The following TWIST2 variants were observed in gnomAD, a reference collection of about 807,000 sequenced individuals.
The protein encoded by TWIST2 is twist-related protein 2.
A neutral mutation model predicts 11.6 loss-of-function variants in TWIST2; 1 was observed. That is an observed-to-expected ratio of 0.09 (90% CI 0.03 to 0.41). The LOEUF (loss-of-function observed/expected upper bound fraction) is 0.41. TWIST2 is among the 10% of genes least tolerant of loss of function. The pLI is 0.98. For missense variants in TWIST2, 168 were observed against 226.4 expected, an observed-to-expected ratio of 0.74 and a Z score of 1.66; for synonymous variants, 87 against 96.6, an observed-to-expected ratio of 0.90 and a Z score of 0.58.
chr2:238,897,554 C>T (rs1356602170), intron 1 of TWIST2, among the ~76,000 whole-genome samples: 1 of 152,212 alleles, frequency 6.6e-6, no homozygotes, highest in Non-Finnish European at 1.5e-5. Context: ...TTTTCCTGCT[C>T]AGGGCCAGCC....
chr2:238,901,964 C>T (rs1693273268), intron 1 of TWIST2, among the ~76,000 whole-genome samples: 1 of 152,022 alleles, frequency 6.6e-6, no homozygotes, highest in Non-Finnish European at 1.5e-5. Flanking sequence ...CTGGGGGATG[C>T]CAGGGTCCTG....
Position 238,889,817 on chromosome 2 carries a change from C to T in TWIST2, c.*36-20025C>T, listed in dbSNP as rs570211075. ...CTTAATATTAAGTGAGCACCTGCTA[C>T]GTGTTCTCCCACTTGCAGGGCAGGT... On this transcript the variant is annotated intron_variant, in intron 1 of 1. Coordinates refer to ENST00000612363, the MANE Select transcript of TWIST2 (RefSeq NM_001271893.4). 9.2e-5 allele frequency among the ~76,000 whole-genome samples: 14 copies of T among 152,314 alleles called. No homozygotes were observed. The East Asian group carries it at 2.3e-3, about 25-fold the overall frequency.
At chr2:238,869,659 C>T (rs1007012265) in intron 1 of TWIST2, among the ~76,000 whole-genome samples, 5 of 152,250 alleles carry the variant, frequency 3.3e-5, no homozygotes, top group African/African-American at 1.2e-4. Flanking sequence ...TACCAGCTCA[C>T]ACCTATGAGG....
intron 1 of TWIST2, among the ~76,000 whole-genome samples, chr2:238,869,349 G>A (rs1478871998): frequency 6.6e-6 from 1 of 152,210 alleles, no homozygotes; most frequent in Non-Finnish European, 1.5e-5. Context: ...AACAAAAATA[G>A]ACAAATGGGA....
At chr2:238,870,123 CCCACA>C (rs1447713362) in intron 1 of TWIST2, among the ~76,000 whole-genome samples, 30 of 35,272 alleles carry the variant, frequency 8.5e-4, no homozygotes, top group African/African-American at 3.8e-3. Flanking sequence ...CCATACACCC[CCCACA>C]CACACACCAC....
intron 1 of TWIST2, among the ~76,000 whole-genome samples, chr2:238,888,932 G>A (rs1472829686): frequency 6.6e-6 from 1 of 152,178 alleles, no homozygotes; most frequent in African/African-American, 2.4e-5. Context: ...TGACTGTCCA[G>A]GCTGATTCTA....
In TWIST2 at chr2:238,867,194, A is replaced by G. The variant is rs150530918; in HGVS notation, c.*35+18461A>G. On this transcript the variant is annotated intron_variant, in intron 1 of 1. Coordinates refer to ENST00000612363, the MANE Select transcript of TWIST2 (RefSeq NM_001271893.4). This position sits in a 1 kb window ranked among gnomAD's most constrained non-coding sequence, Gnocchi z 4.8. The stretch of plus-strand genomic sequence containing the variant: ...GGCTGGCTGTAACATTGGAGGGGCC[A>G]CAACCCCCGAATTTCTTCTGCAGAA... Among the ~76,000 whole-genome samples the G allele has an allele frequency of 0.27, 40,462 of 151,690 alleles. 7,160 individuals are homozygous for G. Among genetic ancestry groups the G allele is most frequent in the African/African-American group, 0.51 (20,905 of 41,246 alleles).
Position 238,859,783 on chromosome 2 carries a change from T to TCA in TWIST2, c.*35+11061_*35+11062dup, listed in dbSNP as rs528711344. On this transcript the variant is annotated intron_variant, in intron 1 of 1. Coordinates refer to ENST00000612363, the MANE Select transcript of TWIST2 (RefSeq NM_001271893.4). ...GACATCTAGTTCCTAATGTGTTTAT[T>TCA]CACACACACACATGCATGCACGCAC... Among the ~76,000 whole-genome samples the TCA allele has an allele frequency of 3.7e-4, 56 of 152,212 alleles. No homozygotes were observed. In the South Asian group the frequency reaches 8.7e-3, roughly 24 times the overall value.
chr2:238,849,708 C>T (rs1341618116), intron 1 of TWIST2, among the ~76,000 whole-genome samples: 1 of 152,226 alleles, frequency 6.6e-6, no homozygotes, highest in Non-Finnish European at 1.5e-5. Context: ...GTTCTGGTTT[C>T]CTCTGGAAGA....
intron 1 of TWIST2, among the ~76,000 whole-genome samples, chr2:238,891,880 AT>A (rs1489090348): frequency 6.6e-6 from 1 of 152,128 alleles, no homozygotes; most frequent in Non-Finnish European, 1.5e-5. Flanking sequence ...TTCTGTGTGA[AT>A]GAGCAGCCAC....
At chr2:238,908,376 A>AGTCACG (rs1693392447) in intron 1 of TWIST2, among the ~76,000 whole-genome samples, 1 of 149,360 alleles carries the variant, frequency 6.7e-6, no homozygotes, top group Non-Finnish European at 1.5e-5. Context: ...ACAAACACAA[A>AGTCACG]CCACATGCAC....
chr2:238,905,133 C>G (rs1373528647), intron 1 of TWIST2, among the ~76,000 whole-genome samples: 3 of 152,116 alleles, frequency 2.0e-5, no homozygotes, highest in African/African-American at 7.2e-5. Flanking sequence ...CCCTGCCTCC[C>G]TAGCCTTTTC....
chr2:238,873,409 G>A lies in TWIST2; in HGVS notation c.*35+24676G>A, dbSNP rs1692745573. Among the ~76,000 whole-genome samples, 6 of 152,244 alleles carry A rather than the reference G, an allele frequency of 3.9e-5. No individual in the cohort carries two copies. The South Asian group carries it at 1.0e-3, about 26-fold the overall frequency. On this transcript the variant is annotated intron_variant, in intron 1 of 1. Transcript: ENST00000612363. ...GGGGAAGGACATCTGAAGAAATGAC[G>A]CTTGAGCAGAGAATGAATGGAGTGA...
chr2:238,870,577 A>ACACACACACCACACACCC (rs1692660764), intron 1 of TWIST2, among the ~76,000 whole-genome samples: 1 of 55,956 alleles, frequency 1.8e-5, no homozygotes, highest in Non-Finnish European at 3.2e-5. Flanking sequence ...ACCACACACC[A>ACACACACACCACACACCC]CACACACACA....
At chr2:238,881,399 T>C (rs1692926330) in intron 1 of TWIST2, among the ~76,000 whole-genome samples, 1 of 151,348 alleles carries the variant, frequency 6.6e-6, no homozygotes, top group Non-Finnish European at 1.5e-5. Context: ...TACTATTTAT[T>C]AGTGTCAGTG....
intron 1 of TWIST2, among the ~76,000 whole-genome samples, chr2:238,868,564 A>C (rs913939848): frequency 6.6e-6 from 1 of 152,202 alleles, no homozygotes; most frequent in Non-Finnish European, 1.5e-5. Flanking sequence ...ACAGGAAACC[A>C]AACTGGCCCT....
Position 238,876,482 on chromosome 2 carries a change from C to T in TWIST2, c.*35+27749C>T, listed in dbSNP as rs577291294. On this transcript the variant is annotated intron_variant, in intron 1 of 1. Transcript: ENST00000612363. ...TGCAGTGATGGCAGAGACAAAGTCC[C>T]GCCTTCGGGGACAGTCCCCAACACA... Among the ~76,000 whole-genome samples, 160 of 152,224 alleles carry T rather than the reference C, an allele frequency of 1.1e-3. 1 individual carries two copies. Among genetic ancestry groups the T allele is most frequent in the Non-Finnish European group, 1.7e-3 (114 of 68,018 alleles).
chr2:238,884,536 C>G (rs937944100), intron 1 of TWIST2, among the ~76,000 whole-genome samples: 2 of 152,218 alleles, frequency 1.3e-5, no homozygotes, highest in African/African-American at 4.8e-5. Context: ...GTCTGATTCA[C>G]GGGCACGTTC....
chr2:238,849,413 C>T (rs937632317), intron 1 of TWIST2, among the ~76,000 whole-genome samples: 2 of 152,196 alleles, frequency 1.3e-5, no homozygotes, highest in Admixed American at 6.5e-5. Flanking sequence ...CCGAGAAGGG[C>T]CCTGGGCCGA....
Sources: allele counts gnomAD v4.1 joint callset (sites outside exome capture counted in the v4.1 genomes callset), GRCh38; gene constraint gnomAD v4.1.1; non-coding constraint Gnocchi (gnomAD v3.1); transcripts MANE v1.5; gene names NCBI Gene and HGNC (gene_info 2026-07-23, HGNC 2026-07-21).